Variants in SMG6 observed in about 807,000 individuals in gnomAD.
SMG6 encodes the protein SMG6 nonsense mediated mRNA decay factor.
In SMG6, 66 loss-of-function variants were observed where a neutral mutation model predicts 142.2. The ratio of observed to expected loss-of-function variants is 0.46; its 90% CI spans 0.38 to 0.57. SMG6 has a LOEUF of 0.57. Among genes scored for constraint, SMG6 ranks in the 20% least tolerant of loss-of-function variants. SMG6 has a pLI of 0.00. For missense variants in SMG6, 1,793 were observed against 1,832.0 expected (o/e 0.98, Z 0.39); for synonymous variants, 779 against 702.4 (o/e 1.11, Z -1.72).
intron 18 of SMG6, among the ~76,000 whole-genome samples, chr17:2,063,879 C>T (rs749699979): frequency 2.6e-4 from 40 of 152,036 alleles, no homozygotes; most frequent in Admixed American, 6.5e-4. Flanking sequence ...ACTGAGCTGC[C>T]GGGGACAGAA....
At chr17:2,264,910 A>AAAAAAAATTTCCTT (rs1326546567) in intron 8 of SMG6, among the ~76,000 whole-genome samples, 2 of 151,998 alleles carry the variant, frequency 1.3e-5, no homozygotes, top group East Asian at 3.9e-4. Context: ...TCAAAAAAAA[A>AAAAAAAATTTCCTT]AAAAAAATTT....
At chr17:2,204,280 G>T (rs1421892666) in intron 10 of SMG6, among the ~76,000 whole-genome samples, 2 of 152,218 alleles carry the variant, frequency 1.3e-5, no homozygotes, top group Non-Finnish European at 2.9e-5. Flanking sequence ...AGAATGTAAA[G>T]ATTAGAGTCA....
intron 8 of SMG6, chr17:2,255,821 T>C: frequency 4.4e-6 from 1 of 228,434 alleles, no homozygotes; most frequent in South Asian, 5.3e-5. Flanking sequence ...GGGAGACTTT[T>C]CATTTTGTTC....
At position 2,303,775 on chromosome 17, in the gene SMG6, G is replaced by C; in HGVS notation, c.-55C>G. Reference sequence around the variant, plus strand: ...CTCCGCCACCGCCGCGCGCAGCCAGGAAACCACCACAGACGGGCGGCGCGC... The same window carrying C: ...CTCCGCCACCGCCGCGCGCAGCCAGCAAACCACCACAGACGGGCGGCGCGC... On this transcript the variant is annotated 5_prime_UTR_variant, in exon 1 of 19. Coordinates refer to ENST00000263073, the MANE Select transcript of SMG6 (RefSeq NM_017575.5). 2.1e-6 allele frequency: 3 copies of C among 1,430,962 alleles called. 1 individual carries two copies. In the South Asian group the frequency reaches 3.9e-5, roughly 18 times the overall value. The allele number at this position is 1,430,962 out of a possible 1,614,324, so 88.6% of individuals were successfully genotyped here. A position where few individuals can be genotyped will look rare whatever the true frequency, so the allele number is the denominator to read the frequency against.
intron 13 of SMG6, among the ~76,000 whole-genome samples, chr17:2,152,861 C>T (rs888142871): frequency 2.6e-5 from 4 of 152,154 alleles, no homozygotes; most frequent in Non-Finnish European, 4.4e-5. Flanking sequence ...ATTTAAGAAA[C>T]GTAAAGACTG....
intron 8 of SMG6, among the ~76,000 whole-genome samples, chr17:2,277,270 C>G (rs2074680967): frequency 6.7e-6 from 1 of 149,886 alleles, no homozygotes; most frequent in Non-Finnish European, 1.5e-5. Flanking sequence ...GGGTTCACGC[C>G]ATTCTCCTGC....
intron 12 of SMG6, among the ~76,000 whole-genome samples, chr17:2,177,025 C>T (rs938755227): frequency 6.6e-6 from 1 of 152,198 alleles, no homozygotes; most frequent in South Asian, 2.1e-4. Flanking sequence ...ACACATTTCA[C>T]AGAAACAAAC....
intron 15 of SMG6, among the ~76,000 whole-genome samples, chr17:2,079,464 C>G (rs1329696275): frequency 2.4e-5 from 3 of 125,148 alleles, no homozygotes; most frequent in Non-Finnish European, 5.1e-5. Context: ...GAAACCTGGT[C>G]TCTACGAAAA....
chr17:2,219,047 A>T (rs1165740940), intron 10 of SMG6, among the ~76,000 whole-genome samples: 1 of 152,256 alleles, frequency 6.6e-6, no homozygotes, highest in Non-Finnish European at 1.5e-5. Context: ...TATTCAACAA[A>T]TACATGAAGG....
At chr17:2,283,052 C>A (rs996655624) in intron 7 of SMG6, among the ~76,000 whole-genome samples, 193 bp from the exon 8 acceptor site, 2 of 152,116 alleles carry the variant, frequency 1.3e-5, no homozygotes, top group East Asian at 3.9e-4. Flanking sequence ...TATCTGTAAT[C>A]CTAGCTACTC....
In SMG6 at chr17:2,071,585, G is replaced by A. The variant is rs183796074; in HGVS notation, c.3682-2654C>T. On this transcript the variant is annotated intron_variant, in intron 15 of 18. Transcript: ENST00000263073. This position sits in a 1 kb window ranked among gnomAD's most constrained non-coding sequence, Gnocchi z 5.6. ...GGTCAGAGCTGTGCTGCCATCATCC[G>A]GTCCCAGGGACGCCCGCAGACAACT... Among the ~76,000 whole-genome samples, 19 of 152,288 alleles carry A rather than the reference G, an allele frequency of 1.2e-4. No individual in the cohort carries two copies. Among genetic ancestry groups the A allele is most frequent in the South Asian group, 2.1e-4 (1 of 4,824 alleles).
chr17:2,282,586 A>C (rs2151379382), intron 8 of SMG6, 61 bp downstream of exon 8: 1 of 1,551,160 alleles, frequency 6.4e-7, no homozygotes, highest in Admixed American at 1.7e-5. Flanking sequence ...CAGCTGTATG[A>C]ACCAGGGCAC....
At chr17:2,063,716 G>T (rs1389923316) in intron 18 of SMG6, among the ~76,000 whole-genome samples, 1 of 152,258 alleles carries the variant, frequency 6.6e-6, no homozygotes, top group South Asian at 2.1e-4. Flanking sequence ...TCAGCCTGGG[G>T]AGGAGTTTGG....
At chr17:2,185,193 T>A (rs954794884) in intron 12 of SMG6, among the ~76,000 whole-genome samples, 2 of 151,868 alleles carry the variant, frequency 1.3e-5, no homozygotes, top group Non-Finnish European at 2.9e-5. Flanking sequence ...GTTGGATGGA[T>A]GCACATGGAC....
Position 2,069,001 on chromosome 17 carries a change from C to A in SMG6, c.3682-70G>T. The A allele has an allele frequency of 3.3e-6, 5 of 1,506,290 alleles. No individual in the cohort carries two copies. The Admixed American group carries it at 8.7e-5, about 26-fold the overall frequency. 93.3% of individuals were successfully genotyped at this position (1,506,290 alleles called of 1,614,324 possible). On this transcript the variant is annotated intron_variant, in intron 15 of 18. Transcript: ENST00000263073. ...GCAGGTGGGTGAGCCAGGGCCCTGA[C>A]ACTACGGTGTGTCAGCATCCTGCCC...
At chr17:2,239,290 T>C (rs1165197404) in intron 9 of SMG6, among the ~76,000 whole-genome samples, 1 of 152,180 alleles carries the variant, frequency 6.6e-6, no homozygotes, top group Admixed American at 6.5e-5. Flanking sequence ...TTATAAGGAT[T>C]TCTGGATAAT....
At chr17:2,258,339 G>A (rs9909895) in intron 8 of SMG6, among the ~76,000 whole-genome samples, 64,267 of 151,804 alleles carry the variant, frequency 0.42, 14,773 homozygotes, top group African/African-American at 0.61. Flanking sequence ...GCAGATCAAC[G>A]GAGGTCAGGA....
chr17:2,286,390 G>A (rs2074905940), intron 6 of SMG6, among the ~76,000 whole-genome samples: 1 of 150,396 alleles, frequency 6.6e-6, no homozygotes, highest in South Asian at 2.1e-4. Flanking sequence ...TAACACAGCT[G>A]TGGTACTGGC....
chr17:2,092,428 AG>A (rs1465333783), intron 13 of SMG6, among the ~76,000 whole-genome samples: 4 of 152,328 alleles, frequency 2.6e-5, no homozygotes, highest in African/African-American at 4.8e-5. Context: ...GGAGGCAATG[AG>A]GGCCATTATC....
Sources: allele counts gnomAD v4.1 joint callset (sites outside exome capture counted in the v4.1 genomes callset), GRCh38; gene constraint gnomAD v4.1.1; non-coding constraint Gnocchi (gnomAD v3.1); transcripts MANE v1.5; gene names NCBI Gene and HGNC (gene_info 2026-07-23, HGNC 2026-07-21).